KLHL4: variants seen among roughly 807,000 people sequenced by gnomAD.
KLHL4 encodes kelch like family member 4.
KLHL4 carries 17 observed loss-of-function variants against 45.8 expected under a neutral mutation model. The observed-to-expected ratio is 0.37, with a 90% CI of 0.25 to 0.56. The LOEUF is 0.56. Ranked by LOEUF, KLHL4 falls within the 20% of genes least tolerant of loss-of-function variation. KLHL4 has a pLI of 0.79. For synonymous variants in KLHL4, 224 were observed against 189.9 expected (o/e 1.18, Z -1.47); for missense variants, 544 against 544.9 (o/e 1.00, Z 0.02).
At chrX:87,532,162 T>A (rs1349006679) in intron 1 of KLHL4, among the ~76,000 whole-genome samples, 1 of 109,251 alleles carries the variant, frequency 9.2e-6, no homozygotes, top group Non-Finnish European at 1.9e-5. Context: ...GGCTAGCCAG[T>A]TTTCCCAGCA....
intron 1 of KLHL4, among the ~76,000 whole-genome samples, chrX:87,572,288 A>G (rs1932349152): frequency 1.2e-5 from 1 of 86,700 alleles, no homozygotes; most frequent in Admixed American, 1.4e-4. Flanking sequence ...GATAAAATTC[A>G]CAAATTGTCT....
chrX:87,647,540 T>A lies in KLHL4; in HGVS notation c.1925+11765T>A, dbSNP rs531061556. 1.8e-4 allele frequency among the ~76,000 whole-genome samples: 20 copies of A among 112,144 alleles called. 1 individual carries two copies. The South Asian group carries it at 7.3e-3, about 41-fold the overall frequency. On this transcript the variant is annotated intron_variant, in intron 9 of 10. Coordinates refer to ENST00000373119, the MANE Select transcript of KLHL4 (RefSeq NM_019117.5). Reference sequence around the variant, plus strand: ...GATAAAGAAAATGGGATATATGGAATACTACTCAGACATAAAAAGGAATGA... The same window carrying A: ...GATAAAGAAAATGGGATATATGGAAAACTACTCAGACATAAAAAGGAATGA...
chrX:87,631,616 G>A (rs1030946743), intron 6 of KLHL4, among the ~76,000 whole-genome samples: 5 of 111,518 alleles, frequency 4.5e-5, no homozygotes, highest in Non-Finnish European at 9.4e-5. Context: ...GGCTGAAGTG[G>A]TCTTCCGACC....
intron 1 of KLHL4, among the ~76,000 whole-genome samples, chrX:87,534,432 A>G (rs755509197): frequency 4.5e-5 from 5 of 111,581 alleles, no homozygotes; most frequent in African/African-American, 1.6e-4. Context: ...GGATTCTTAC[A>G]GAAACCTAAC....
chrX:87,573,410 A>G (rs1921000008), intron 1 of KLHL4, among the ~76,000 whole-genome samples: 1 of 94,095 alleles, frequency 1.1e-5, no homozygotes. Context: ...TATATACTGA[A>G]GTGAGGGAAA....
At chrX:87,533,731 C>G (rs889813634) in intron 1 of KLHL4, among the ~76,000 whole-genome samples, 6 of 110,883 alleles carry the variant, frequency 5.4e-5, no homozygotes, top group African/African-American at 1.6e-4. Context: ...AAAAATTCAT[C>G]TCCTTAAAAC....
chrX:87,564,232 C>T (rs1932161910), intron 1 of KLHL4, among the ~76,000 whole-genome samples: 1 of 100,150 alleles, frequency 1.0e-5, no homozygotes, highest in Non-Finnish European at 2.0e-5. Flanking sequence ...ATAACTGCAA[C>T]AACATTTTAA....
chrX:87,613,355 G>A (rs1304168529), intron 1 of KLHL4, among the ~76,000 whole-genome samples: 1 of 111,451 alleles, frequency 9.0e-6, no homozygotes, highest in Non-Finnish European at 1.9e-5. Context: ...GAAATAAAAG[G>A]TGGAATTATG....
At chrX:87,553,969 T>C (rs1180649240) in intron 1 of KLHL4, among the ~76,000 whole-genome samples, 1 of 109,208 alleles carries the variant, frequency 9.2e-6, no homozygotes, top group Admixed American at 1.0e-4. Flanking sequence ...CATTTTTAAA[T>C]AGGGAATCCT....
chrX:87,625,559 C>G, intron 5 of KLHL4, 51 bp from the exon 6 acceptor site: 1 of 1,014,079 alleles, frequency 9.9e-7, no homozygotes, highest in Non-Finnish European at 1.3e-6. Flanking sequence ...CAAATACGTT[C>G]TTTCTAATGG....
At position 87,527,048 on chromosome X, in the gene KLHL4, A is replaced by G. The variant is rs367837656; in HGVS notation, c.422+8733A>G. ...ATAAAACTATGGAATGAAATAATGAAAACAATGGAAAAATTTATCATTGAA... is the reference window on the plus strand; with the variant it reads ...ATAAAACTATGGAATGAAATAATGAGAACAATGGAAAAATTTATCATTGAA... On this transcript the variant is annotated intron_variant, in intron 1 of 10. Transcript: ENST00000373119. 5.8e-4 allele frequency among the ~76,000 whole-genome samples: 65 copies of G among 112,048 alleles called. 6 individuals carry two copies. Among genetic ancestry groups the G allele is most frequent in the Admixed American group, 3.7e-3 (39 of 10,569 alleles).
chrX:87,632,065 G>C (rs1923113282), intron 6 of KLHL4, 145 bp from the exon 7 acceptor site: 1 of 420,593 alleles, frequency 2.4e-6, no homozygotes, highest in Non-Finnish European at 4.1e-6. Context: ...CCAGGTTGTA[G>C]AATTACCTGA....
intron 1 of KLHL4, among the ~76,000 whole-genome samples, chrX:87,539,840 T>C (rs1215126562): frequency 1.8e-5 from 2 of 111,470 alleles, no homozygotes; most frequent in South Asian, 3.7e-4. Context: ...TTTCTTATTA[T>C]AGTCAAGCAT....
At chrX:87,567,301 A>G (rs1932234265) in intron 1 of KLHL4, among the ~76,000 whole-genome samples, 1 of 111,786 alleles carries the variant, frequency 8.9e-6, no homozygotes, top group African/African-American at 3.2e-5. Flanking sequence ...ACAAATAAAA[A>G]AAAGAAAGTG....
intron 9 of KLHL4, among the ~76,000 whole-genome samples, chrX:87,662,601 C>T (rs1201631106): frequency 1.8e-5 from 2 of 111,287 alleles, no homozygotes; most frequent in Non-Finnish European, 3.8e-5. Context: ...AACTTCCACA[C>T]ACGCAAAGTT....
chrX:87,626,651 T>TAAAAA (rs141379060), intron 6 of KLHL4, among the ~76,000 whole-genome samples: 1 of 100,474 alleles, frequency 1.0e-5, no homozygotes, highest in South Asian at 4.7e-4. Flanking sequence ...TATGTAGCTT[T>TAAAAA]AAAAAAAAAA....
At chrX:87,654,845 G>A (rs1387720890) in intron 9 of KLHL4, among the ~76,000 whole-genome samples, 2 of 111,414 alleles carry the variant, frequency 1.8e-5, no homozygotes, top group African/African-American at 6.5e-5. Context: ...ATTTTTACTG[G>A]TATAAAATGG....
Position 87,669,599 on chromosome X carries a change from AG to A in KLHL4, c.*3066del. Reference sequence around the variant, plus strand: ...TACCTTGAGATCTTAGTCTAGGTAAAGAAAAAAAAAAAAAGGTCATGAAACA... The same window carrying A: ...TACCTTGAGATCTTAGTCTAGGTAAAAAAAAAAAAAAAAGGTCATGAAACA... On this transcript the variant is annotated 3_prime_UTR_variant, in exon 11 of 11. Transcript: ENST00000373119. The A allele has an allele frequency of 3.7e-5, 13 of 352,830 alleles. No individual in the cohort carries two copies. The highest frequency in any genetic ancestry group is 1.6e-4 in the South Asian group (2 of 12,239). 29.1% of individuals were successfully genotyped at this position (352,830 alleles called of 1,213,427 possible).
rs1192787615 is a variant in KLHL4 at position 87,669,964 on chromosome X, G to C, written c.*3430G>C. Reference sequence around the variant, plus strand: ...TAGCTTGATTTAATCATCCCACACTGTATACATATGCCAAAATATCATTTT... The same window carrying C: ...TAGCTTGATTTAATCATCCCACACTCTATACATATGCCAAAATATCATTTT... On this transcript the variant is annotated 3_prime_UTR_variant, in exon 11 of 11. Coordinates refer to ENST00000373119, the MANE Select transcript of KLHL4 (RefSeq NM_019117.5). The C allele has an allele frequency of 9.0e-6, 1 of 111,536 alleles. No homozygotes were observed. The highest frequency in any genetic ancestry group is 1.9e-5 in the Non-Finnish European group (1 of 53,149). 9.2% of individuals were successfully genotyped at this position (111,536 alleles called of 1,213,427 possible). A position where few individuals can be genotyped will look rare whatever the true frequency, so the allele number is the denominator to read the frequency against.
Sources: allele counts gnomAD v4.1 joint callset (sites outside exome capture counted in the v4.1 genomes callset), GRCh38; gene constraint gnomAD v4.1.1; transcripts MANE v1.5; gene names NCBI Gene and HGNC (gene_info 2026-07-23, HGNC 2026-07-21).